Variants in MYO7B observed in about 807,000 individuals in gnomAD.
The protein encoded by MYO7B is myosin VIIB.
MYO7B carries 212 observed loss-of-function variants against 259.7 expected under a neutral mutation model. The observed-to-expected ratio is 0.82, with a 90% CI of 0.73 to 0.91. The LOEUF (loss-of-function observed/expected upper bound fraction) is 0.91, where lower values mean the gene tolerates loss of function less well. Ranked by LOEUF, MYO7B falls within the 40% of genes least tolerant of loss-of-function variation. The pLI is 0.00. For synonymous variants in MYO7B, 1,197 were observed against 1,166.4 expected (o/e 1.03, Z -0.54); for missense variants, 2,732 against 2,813.5 (o/e 0.97, Z 0.66).
intron 43 of MYO7B, 111 bp downstream of exon 43, chr2:127,635,337 AC>A: frequency 9.6e-7 from 1 of 1,041,008 alleles, no homozygotes. Context: ...AGCCCTGGGT[AC>A]CAGCCCATGT....
intron 5 of MYO7B, among the ~76,000 whole-genome samples, chr2:127,569,140 G>A (rs1558805259): frequency 6.6e-6 from 1 of 150,870 alleles, no homozygotes; most frequent in African/African-American, 2.5e-5. Context: ...CCCAGGAGGT[G>A]GAGGTTGCAG....
chr2:127,596,796 A>C lies in MYO7B; in HGVS notation c.2339+240A>C, dbSNP rs541167280. Among the ~76,000 whole-genome samples the C allele has an allele frequency of 2.6e-5, 4 of 152,382 alleles. No homozygotes were observed. The South Asian group carries it at 8.3e-4, about 32-fold the overall frequency. ...TCCATATGCAAGAGATGGGAGCCGAATGAAGGGGCAGCCCCGCTCTCAACC... is the reference window on the plus strand; with the variant it reads ...TCCATATGCAAGAGATGGGAGCCGACTGAAGGGGCAGCCCCGCTCTCAACC... On this transcript the variant is annotated intron_variant, in intron 19 of 47. Transcript: ENST00000409816.
chr2:127,578,836 G>A (rs560889335), intron 9 of MYO7B, among the ~76,000 whole-genome samples: 29 of 152,214 alleles, frequency 1.9e-4, no homozygotes, highest in African/African-American at 6.3e-4. Flanking sequence ...AGTAGAAATC[G>A]ATCCACAAAG....
In MYO7B at chr2:127,635,104, GC is replaced by G. The variant is rs1681728999; in HGVS notation, c.5714-15del. 1.9e-6 allele frequency: 3 copies of G among 1,602,360 alleles called. No homozygotes were observed. The highest frequency in any genetic ancestry group is 2.6e-6 in the Non-Finnish European group (3 of 1,173,680). On this transcript the variant is annotated splice_polypyrimidine_tract_variant and intron_variant, in intron 42 of 47. Transcript: ENST00000409816. The stretch of plus-strand genomic sequence containing the variant: ...TGCTGGGACAGGCTTGGTGCCCACT[GC>G]TGGCCCTCGCCCAGGGGCCCCCGTG...
chr2:127,544,825 C>A (rs1299611795), intron 1 of MYO7B, among the ~76,000 whole-genome samples: 1 of 152,076 alleles, frequency 6.6e-6, no homozygotes, highest in Non-Finnish European at 1.5e-5. Flanking sequence ...CGTGATCCAC[C>A]CGCCTCGGCC....
At chr2:127,612,806 C>T (rs1047977445) in intron 26 of MYO7B, among the ~76,000 whole-genome samples, 4 of 152,170 alleles carry the variant, frequency 2.6e-5, no homozygotes, top group Non-Finnish European at 4.4e-5. Flanking sequence ...GAGTAAAACC[C>T]GGTTTTAGGA....
chr2:127,574,674 T>A (rs1239709324), intron 7 of MYO7B, among the ~76,000 whole-genome samples: 5 of 152,214 alleles, frequency 3.3e-5, no homozygotes, highest in African/African-American at 7.2e-5. Flanking sequence ...TCAGGTATGT[T>A]AGGGGACATG....
At chr2:127,580,476 C>T (rs1679055651) in intron 9 of MYO7B, among the ~76,000 whole-genome samples, 1 of 152,250 alleles carries the variant, frequency 6.6e-6, no homozygotes, top group Non-Finnish European at 1.5e-5. Context: ...AATAAGCCCA[C>T]CTTTCTTTAA....
chr2:127,598,968 A>G (rs751681309), intron 19 of MYO7B, among the ~76,000 whole-genome samples: 1 of 152,206 alleles, frequency 6.6e-6, no homozygotes, highest in Non-Finnish European at 1.5e-5. Context: ...TGTTTATCAT[A>G]GTTATATAAT....
Position 127,615,939 on chromosome 2 carries a change from C to T in MYO7B, c.3398+3336C>T, listed in dbSNP as rs1471389484. On this transcript the variant is annotated intron_variant, in intron 26 of 47. Transcript: ENST00000409816. This position sits in a 1 kb window ranked among gnomAD's most constrained non-coding sequence, Gnocchi z 4.4. ...CAGTCTCCCGTTGCATGGTCGCACA[C>T]AACTTGAGGGCACCTACATGGTTTG... Among the ~76,000 whole-genome samples the T allele has an allele frequency of 6.6e-6, 1 of 152,180 alleles. No individual in the cohort carries two copies. Among genetic ancestry groups the T allele is most frequent in the Admixed American group, 6.5e-5 (1 of 15,284 alleles).
rs1363771440 is a variant in MYO7B at position 127,609,330 on chromosome 2, C to T, written c.2815-176C>T. On this transcript the variant is annotated intron_variant, in intron 22 of 47. Coordinates refer to ENST00000409816, the MANE Select transcript of MYO7B (RefSeq NM_001393586.1). The surrounding 1 kb of genome is among the most constrained non-coding windows in gnomAD (Gnocchi z 6.9). ...GGCAGGGTGTGTAGAGAGCCCTGTG[C>T]TGGCACACGGCAGCCCACCTGAGCC... Among the ~76,000 whole-genome samples, 1 of 152,098 alleles carries T rather than the reference C, an allele frequency of 6.6e-6. No homozygotes were observed. Among genetic ancestry groups the T allele is most frequent in the Non-Finnish European group, 1.5e-5 (1 of 68,000 alleles).
rs998476562 is a variant in MYO7B, at chr2:127,613,042, A to G, written c.3398+439A>G. On this transcript the variant is annotated intron_variant, in intron 26 of 47. Transcript: ENST00000409816. The surrounding 1 kb of genome is among the most constrained non-coding windows in gnomAD (Gnocchi z 4.3). ...GCGTAGAAGCAGAATCCGAACATGCAGAGACTGATTGTTCACTGCTTTAAG... is the reference window on the plus strand; with the variant it reads ...GCGTAGAAGCAGAATCCGAACATGCGGAGACTGATTGTTCACTGCTTTAAG... Among the ~76,000 whole-genome samples, 6 of 152,254 alleles carry G rather than the reference A, an allele frequency of 3.9e-5. No individual in the cohort carries two copies. Among genetic ancestry groups the G allele is most frequent in the African/African-American group, 1.4e-4 (6 of 41,460 alleles).
rs1680394979 is a variant in MYO7B, at chr2:127,611,742, G to A, written c.3193-508G>A. 6.6e-6 allele frequency among the ~76,000 whole-genome samples: 1 copy of A among 152,190 alleles called. No homozygotes were observed. Among genetic ancestry groups the A allele is most frequent in the Non-Finnish European group, 1.5e-5 (1 of 68,026 alleles). The stretch of plus-strand genomic sequence containing the variant: ...CGGCCTCTGCCTAAGGAGAGCAACA[G>A]ATCGTAGTGGCTGCAGCCAGTCCCT... On this transcript the variant is annotated intron_variant, in intron 24 of 47. Transcript: ENST00000409816. This position sits in a 1 kb window ranked among gnomAD's most constrained non-coding sequence, Gnocchi z 5.4.
At chr2:127,573,368 A>G (rs886133104) in intron 6 of MYO7B, among the ~76,000 whole-genome samples, 7 of 152,232 alleles carry the variant, frequency 4.6e-5, no homozygotes, top group African/African-American at 1.7e-4. Context: ...CTTACTGTGG[A>G]TCACATCAGA....
Position 127,608,972 on chromosome 2 carries a change from A to G in MYO7B, c.2814+94A>G, listed in dbSNP as rs1024978396. On this transcript the variant is annotated intron_variant, in intron 22 of 47. Coordinates refer to ENST00000409816, the MANE Select transcript of MYO7B (RefSeq NM_001393586.1). ...CAGTCCACCTCTCGGCTCCCTGAGA[A>G]GCCAGAGCGGTGGCCAAGTGTGTGC... 81 of 1,471,314 alleles carry G rather than the reference A, an allele frequency of 5.5e-5. 1 individual carries two copies. In the South Asian group the frequency reaches 9.8e-4, roughly 18 times the overall value. The allele number at this position is 1,471,314 out of a possible 1,614,324, so 91.1% of individuals were successfully genotyped here. A position where few individuals can be genotyped will look rare whatever the true frequency, so the allele number is the denominator to read the frequency against.
At chr2:127,610,242 AT>A (rs1437677438) in intron 24 of MYO7B, among the ~76,000 whole-genome samples, 2 of 152,136 alleles carry the variant, frequency 1.3e-5, no homozygotes, top group East Asian at 3.8e-4. Flanking sequence ...TTATACAGTC[AT>A]TAACGGAGAG....
At chr2:127,592,697 T>A in intron 16 of MYO7B, 97 bp from the exon 17 acceptor site, 8 of 1,489,066 alleles carry the variant, frequency 5.4e-6, no homozygotes, top group Non-Finnish European at 7.2e-6. Flanking sequence ...CACACTGACC[T>A]CTGGCTGTGG....
In MYO7B at chr2:127,629,726, G is replaced by A. The variant is rs764307834; in HGVS notation, c.4706G>A (p.Trp1569Ter). The A allele has an allele frequency of 6.2e-7, 1 of 1,612,302 alleles. No individual in the cohort carries two copies. The highest frequency in any genetic ancestry group is 8.5e-7 in the Non-Finnish European group (1 of 1,179,446). Reference protein sequence around the residue: ...KKQGLLASENWTLGQNDRTGK... With the variant: ...KKQGLLASEN ...CAGGGGCTGCTGGCCTCTGAGAACT[G>A]GACCCTCGGCCAGAACGACAGGACA... Residue 1569 changes from tryptophan (W) to a stop codon, truncating the protein, a stop_gained, in exon 35 of 48, where the codon TGG (tryptophan) becomes TAG (stop). Coordinates refer to ENST00000409816, the MANE Select transcript of MYO7B (RefSeq NM_001393586.1). LOFTEE classifies it high-confidence loss of function.
chr2:127,579,608 C>T (rs1456256988), intron 9 of MYO7B, among the ~76,000 whole-genome samples: 4 of 147,064 alleles, frequency 2.7e-5, no homozygotes, highest in Non-Finnish European at 6.0e-5. Context: ...GTTTTTGAGA[C>T]AGGGTCTTGC....
Sources: allele counts gnomAD v4.1 joint callset (sites outside exome capture counted in the v4.1 genomes callset), GRCh38; gene constraint gnomAD v4.1.1; non-coding constraint Gnocchi (gnomAD v3.1); transcripts MANE v1.5; gene names NCBI Gene and HGNC (gene_info 2026-07-23, HGNC 2026-07-21).